Variants in NFATC3 observed in about 807,000 individuals in gnomAD.
NFATC3 encodes the protein nuclear factor of activated T cells 3.
Under a neutral mutation model 98.6 loss-of-function variants are expected in NFATC3, and 46 were observed. The ratio of observed to expected loss-of-function variants is 0.47; its 90% CI spans 0.37 to 0.60. The LOEUF is 0.60. NFATC3 is among the 20% of genes least tolerant of loss of function. The pLI is 0.00. For synonymous variants in NFATC3, 512 were observed against 472.2 expected (o/e 1.08, Z -1.09); for missense variants, 1,256 against 1,295.5 (o/e 0.97, Z 0.47).
rs1486000164 is a variant in NFATC3 at position 68,183,356 on chromosome 16, T to A, written c.2088T>A (p.Thr696=). ...AAAAAAGCCAGTCTCAACGTTTTAC[T>A]TATACACCAGGTACGAGGAGTCATG... is the stretch of plus-strand genomic sequence containing the variant. ...KRKKSQSQRF[T]YTPVLMKQEH... is the part of the protein sequence containing the mutation. The change falls in exon 8 of 10, where the codon ACT becomes ACA. Residue 696 remains threonine, a synonymous_variant. Transcript: ENST00000346183. The A allele has an allele frequency of 6.2e-7, 1 of 1,612,808 alleles. No individual in the cohort carries two copies. The highest frequency in any genetic ancestry group is 8.5e-7 in the Non-Finnish European group (1 of 1,179,994).
At chr16:68,168,495 A>T (rs190686249) in intron 5 of NFATC3, among the ~76,000 whole-genome samples, 246 of 147,590 alleles carry the variant, frequency 1.7e-3, no homozygotes, top group African/African-American at 6.1e-3. Flanking sequence ...TATTATTATT[A>T]TTATTTTTTA....
chr16:68,205,553 A>C (rs1316196705), intron 9 of NFATC3, among the ~76,000 whole-genome samples: 1 of 152,198 alleles, frequency 6.6e-6, no homozygotes, highest in Non-Finnish European at 1.5e-5. Flanking sequence ...TTGAACAAGT[A>C]ATATGTTCAT....
chr16:68,110,216 G>A (rs2035869915), intron 1 of NFATC3, among the ~76,000 whole-genome samples: 1 of 151,924 alleles, frequency 6.6e-6, no homozygotes, highest in Admixed American at 6.6e-5. Context: ...TGTTAGCCAG[G>A]CTGGTCTTGA....
chr16:68,223,367 A>T (rs1373518266), intron 9 of NFATC3, among the ~76,000 whole-genome samples: 5 of 152,162 alleles, frequency 3.3e-5, no homozygotes, highest in Admixed American at 3.3e-4. Flanking sequence ...TACAAAAAAA[A>T]TTTTAAAATC....
In NFATC3 at chr16:68,167,046, C is replaced by T. The variant is rs747450668; in HGVS notation, c.1774+31C>T. 7.5e-6 allele frequency: 12 copies of T among 1,594,678 alleles called. No individual in the cohort carries two copies. In the East Asian group the frequency reaches 2.5e-4, roughly 33 times the overall value. ...TGAGCTTGTGATGATGTTTTAAGAT[C>T]TTGTGTATAATAGCTTATTTTCTGT... On this transcript the variant is annotated intron_variant, in intron 5 of 9. Transcript: ENST00000346183.
chr16:68,204,424 G>C (rs758654515), intron 9 of NFATC3, among the ~76,000 whole-genome samples: 1 of 151,960 alleles, frequency 6.6e-6, no homozygotes, highest in East Asian at 1.9e-4. Context: ...TATTTTTTTT[G>C]AACACTGTGC....
chr16:68,168,708 A>T (rs2039329348), intron 5 of NFATC3, among the ~76,000 whole-genome samples: 1 of 141,178 alleles, frequency 7.1e-6, no homozygotes, highest in African/African-American at 2.7e-5. Context: ...CTAGTCTCGA[A>T]CTCCTGACCT....
At chr16:68,197,879 A>G (rs974753151) in intron 9 of NFATC3, among the ~76,000 whole-genome samples, 2 of 152,152 alleles carry the variant, frequency 1.3e-5, no homozygotes, top group Non-Finnish European at 2.9e-5. Context: ...TAATTTTTGA[A>G]GTTTTTAAGT....
chr16:68,199,999 C>T (rs935833912), intron 9 of NFATC3: 1 of 152,180 alleles, frequency 6.6e-6, no homozygotes, highest in Non-Finnish European at 1.5e-5. Flanking sequence ...TGGAACATCT[C>T]AGGGCCTTTT....
chr16:68,126,173 C>T (rs1000097004), intron 2 of NFATC3, among the ~76,000 whole-genome samples: 9 of 152,112 alleles, frequency 5.9e-5, no homozygotes, highest in Admixed American at 3.9e-4. Flanking sequence ...CATGAGCCAC[C>T]GCACCTGGCC....
At chr16:68,148,581 A>G (rs557409681) in intron 3 of NFATC3, among the ~76,000 whole-genome samples, 1 of 152,360 alleles carries the variant, frequency 6.6e-6, no homozygotes, top group Non-Finnish European at 1.5e-5. Flanking sequence ...GAAAGAACCA[A>G]TAAGCAAGCA....
At position 68,085,763 on chromosome 16, in the gene NFATC3, C is replaced by T. The variant is rs751331157; in HGVS notation, c.82C>T (p.Pro28Ser). The change falls in exon 1 of 10, where the codon CCC (proline) becomes TCC (serine). Residue 28 changes from proline to serine, a missense_variant. Transcript: ENST00000346183. ...CGAGGACGGGGCGCCGGCGCCGCCG[C>T]CCCCGGGCTCGCGGCCTGCAGGTGG... ...FGEDGAPAPP[P>S]PGSRPADLEP... 1.4e-5 allele frequency: 21 copies of T among 1,497,214 alleles called. No individual in the cohort carries two copies. Among genetic ancestry groups the T allele is most frequent in the Non-Finnish European group, 1.8e-5 (20 of 1,128,442 alleles). The allele number at this position is 1,497,214 out of a possible 1,614,324, so 92.7% of individuals were successfully genotyped here.
At chr16:68,137,895 C>T (rs921377696) in intron 3 of NFATC3, among the ~76,000 whole-genome samples, 8 of 152,160 alleles carry the variant, frequency 5.3e-5, no homozygotes, top group Admixed American at 3.3e-4. Flanking sequence ...GCTGGGATTA[C>T]AGGCGTGAGC....
chr16:68,199,343 C>T (rs1457710133), intron 9 of NFATC3, among the ~76,000 whole-genome samples: 1 of 149,026 alleles, frequency 6.7e-6, no homozygotes, highest in African/African-American at 2.5e-5. Context: ...CCTGCCTCAG[C>T]CTCCTGAGTA....
At chr16:68,199,537 T>TA (rs779667582) in intron 9 of NFATC3, among the ~76,000 whole-genome samples, 192 of 126,808 alleles carry the variant, frequency 1.5e-3, no homozygotes, top group Middle Eastern at 4.7e-3. Context: ...AGACCCTGTT[T>TA]AAAAAAAAAA....
intron 7 of NFATC3, 34 bp from the exon 8 acceptor site, chr16:68,183,206 C>G (rs749968768): frequency 6.5e-7 from 1 of 1,541,690 alleles, no homozygotes; most frequent in Non-Finnish European, 8.7e-7. Flanking sequence ...ATTTTTAGTT[C>G]TGAGTGTAAC....
chr16:68,142,396 G>A (rs1345635150), intron 3 of NFATC3, among the ~76,000 whole-genome samples: 5 of 152,048 alleles, frequency 3.3e-5, no homozygotes, highest in Admixed American at 1.3e-4. Context: ...TGTTGGTGGC[G>A]GTGTGTAGCA....
chr16:68,120,114 CAA>C (rs536178978), intron 1 of NFATC3, among the ~76,000 whole-genome samples: 5 of 57,886 alleles, frequency 8.6e-5, no homozygotes, highest in Non-Finnish European at 7.6e-5. Flanking sequence ...CCTGTCTCTA[CAA>C]AAAAAAAAAA....
intron 1 of NFATC3, among the ~76,000 whole-genome samples, chr16:68,106,913 G>A (rs1245550207): frequency 6.6e-6 from 1 of 151,894 alleles, no homozygotes; most frequent in Non-Finnish European, 1.5e-5. Flanking sequence ...TCCCTCTCTC[G>A]TGACCCCCAC....
Sources: allele counts gnomAD v4.1 joint callset (sites outside exome capture counted in the v4.1 genomes callset), GRCh38; gene constraint gnomAD v4.1.1; transcripts MANE v1.5; gene names NCBI Gene and HGNC (gene_info 2026-07-23, HGNC 2026-07-21).